The following CFAP65 variants were observed in gnomAD, a reference collection of about 807,000 sequenced individuals.
CFAP65 encodes the protein cilia and flagella associated protein 65.
In CFAP65, 155 loss-of-function variants were observed where a neutral mutation model predicts 208.0. The observed-to-expected ratio is 0.75, with a 90% CI of 0.65 to 0.85. The LOEUF (loss-of-function observed/expected upper bound fraction) is 0.85. CFAP65 is among the 40% of genes least tolerant of loss of function. The probability of loss-of-function intolerance (pLI) is 0.00; values close to 1 mark genes in which losing one functional copy is unlikely to be tolerated. For missense variants in CFAP65, 2,294 were observed against 2,451.3 expected, an observed-to-expected ratio of 0.94 and a Z score of 1.36; for synonymous variants, 970 against 986.3, an observed-to-expected ratio of 0.98 and a Z score of 0.31.
At chr2:219,020,418 C>T (rs983203346) in intron 19 of CFAP65, among the ~76,000 whole-genome samples, 3 of 152,046 alleles carry the variant, frequency 2.0e-5, no homozygotes, top group Admixed American at 6.5e-5. Flanking sequence ...CACTGTGTTG[C>T]CAGGCTGGAG....
chr2:219,021,911 G>T lies in CFAP65; in HGVS notation c.2999C>A (p.Ala1000Asp). Reference sequence around the variant, plus strand: ...GCTGTTCACCAGCACATTCCCAAAGGCCAGCTCCTTTTCCTTTGCCTGGAG... The same window carrying T: ...GCTGTTCACCAGCACATTCCCAAAGTCCAGCTCCTTTTCCTTTGCCTGGAG... ...SSLSAKEKEL[A>D]FGNVLVNSKQ... Residue 1000 changes from alanine to aspartate, a missense_variant, in exon 18 of 35, where the codon GCC becomes GAC. Physicochemically the swap from Ala to Asp is moderately radical, Grantham distance 126. Coordinates refer to ENST00000341552, the MANE Select transcript of CFAP65 (RefSeq NM_194302.4). 1 of 1,613,622 alleles carries T rather than the reference G, an allele frequency of 6.2e-7. No homozygotes were observed.
At chr2:219,036,526 C>A (rs1397471938) in intron 4 of CFAP65, among the ~76,000 whole-genome samples, 1 of 152,060 alleles carries the variant, frequency 6.6e-6, no homozygotes, top group African/African-American at 2.4e-5. Context: ...CTCACTGCAA[C>A]CTCTGCCTCC....
intron 21 of CFAP65, among the ~76,000 whole-genome samples, chr2:219,017,924 C>T (rs902731229): frequency 2.0e-5 from 3 of 152,192 alleles, no homozygotes; most frequent in African/African-American, 7.2e-5. Context: ...GCTAGAAGCC[C>T]TCAGTTACTC....
At position 219,024,097 on chromosome 2, in the gene CFAP65, A is replaced by T. The variant is rs1289459780; in HGVS notation, c.2513T>A (p.Leu838His). 6.8e-6 allele frequency: 11 copies of T among 1,614,046 alleles called. No individual in the cohort carries two copies. Among genetic ancestry groups the T allele is most frequent in the Non-Finnish European group, 9.3e-6 (11 of 1,180,016 alleles). ...LVAPGAHQII[L>H]ICTYPEGSSW... Reference sequence around the variant, plus strand: ...GCTGCCCTCAGGGTAGGTGCAGATGAGGATGATCTGGTGGGCCCCGGGTGC... The same window carrying T: ...GCTGCCCTCAGGGTAGGTGCAGATGTGGATGATCTGGTGGGCCCCGGGTGC... Residue 838 changes from leucine (L) to histidine (H), a missense_variant, in exon 15 of 35, where the codon CTC becomes CAC. Around this residue, in one of 2 missense-constraint regions of CFAP65, gnomAD observed 1,427 missense variants for 1,438.7 expected, o/e 0.99. Coordinates refer to ENST00000341552, the MANE Select transcript of CFAP65 (RefSeq NM_194302.4).
chr2:219,038,434 T>G lies in CFAP65; in HGVS notation c.298A>C (p.Ile100Leu), dbSNP rs1396505469. The change falls in exon 4 of 35, where the codon ATC (isoleucine) becomes CTC (leucine). Residue 100 changes from isoleucine (I) to leucine (L), a missense_variant. Ile to Leu is a conservative substitution (Grantham distance 5). This residue lies in a region of CFAP65 where 867 missense variants were observed against 1,012.6 expected (regional missense o/e 0.86). Coordinates refer to ENST00000341552, the MANE Select transcript of CFAP65 (RefSeq NM_194302.4). The stretch of plus-strand genomic sequence containing the variant: ...GCACTGCTGTCGTTGATGGCAGGGA[T>G]GGCCACTGTGCTGGCACTCAGGCAG... ...GSCLSASTVAIPAINDSSAAM... is the reference protein window; with the variant it reads ...GSCLSASTVALPAINDSSAAM... 1.1e-5 allele frequency: 17 copies of G among 1,613,954 alleles called. No homozygotes were observed. In the African/African-American group the frequency reaches 1.5e-4, roughly 14 times the overall value.
rs1449299417 is a variant in CFAP65, at chr2:219,028,322, G to T, written c.1730C>A (p.Thr577Asn). The T allele has an allele frequency of 6.2e-7, 1 of 1,614,134 alleles. No homozygotes were observed. The highest frequency in any genetic ancestry group is 1.1e-5 in the South Asian group (1 of 91,078). Reference sequence around the variant, plus strand: ...CCGGGCCAGGTGTGTGCGGTACCAGGTGAGGTGCTGAGGCTTCAGGATGGC... The same window carrying T: ...CCGGGCCAGGTGTGTGCGGTACCAGTTGAGGTGCTGAGGCTTCAGGATGGC... ...KPAILKPQHL[T>N]WYRTHLARGL... Residue 577 changes from threonine (T) to asparagine (N), a missense_variant, in exon 12 of 35, where the codon ACC becomes AAC. Thr to Asn is a moderately conservative substitution (Grantham distance 65). This residue lies in a region of CFAP65 where 867 missense variants were observed against 1,012.6 expected (regional missense o/e 0.86). Coordinates refer to ENST00000341552, the MANE Select transcript of CFAP65 (RefSeq NM_194302.4).
Position 219,006,166 on chromosome 2 carries a change from G to A in CFAP65, c.4777C>T (p.Gln1593Ter). 6.2e-7 allele frequency: 1 copy of A among 1,612,426 alleles called. No homozygotes were observed. The highest frequency in any genetic ancestry group is 8.5e-7 in the Non-Finnish European group (1 of 1,178,926). Reference protein sequence around the residue: ...SVSRPASWKLQTPKEEVSWPC... With the variant: ...SVSRPASWKL Reference sequence around the variant, plus strand: ...CAGGACACCTCCTCCTTTGGGGTCTGCAGTTTCCAGCTGGCAGGCCGGCTG... The same window carrying A: ...CAGGACACCTCCTCCTTTGGGGTCTACAGTTTCCAGCTGGCAGGCCGGCTG... The change falls in exon 31 of 35, where the codon CAG becomes TAG. Residue 1593 changes from glutamine (Q) to a stop codon, truncating the protein, a stop_gained. Coordinates refer to ENST00000341552, the MANE Select transcript of CFAP65 (RefSeq NM_194302.4). LOFTEE classifies it high-confidence loss of function.
chr2:219,021,373 G>T, intron 18 of CFAP65, 93 bp from the exon 19 acceptor site: 1 of 1,361,472 alleles, frequency 7.3e-7, no homozygotes, highest in Non-Finnish European at 9.7e-7. Context: ...GGCACCAGGG[G>T]AGGACAGCAG....
At chr2:219,028,490 C>A in intron 11 of CFAP65, 89 bp from the exon 12 acceptor site, 1 of 1,175,852 alleles carries the variant, frequency 8.5e-7, no homozygotes. Context: ...AGAAGCTGGG[C>A]AGACAGGATA....
rs925099907 is a variant in CFAP65 at position 219,009,340 on chromosome 2, T to C, written c.4566+7A>G. 9 of 1,606,604 alleles carry C rather than the reference T, an allele frequency of 5.6e-6. No homozygotes were observed. Among genetic ancestry groups the C allele is most frequent in the African/African-American group, 1.3e-5 (1 of 74,804 alleles). Reference sequence around the variant, plus strand: ...CATCCCACTTTACCCCTGGGGCTGGTTCCTACCTTGCATACCAGGTCTGCA... The same window carrying C: ...CATCCCACTTTACCCCTGGGGCTGGCTCCTACCTTGCATACCAGGTCTGCA... On this transcript the variant is annotated splice_region_variant and intron_variant, in intron 28 of 34. Transcript: ENST00000341552.
Position 219,019,161 on chromosome 2 carries a change from G to A in CFAP65, c.3492C>T (p.Pro1164=), listed in dbSNP as rs568903495. Residue 1164 remains proline, a synonymous_variant, in exon 21 of 35, where the codon CCC becomes CCT. Transcript: ENST00000341552. ...PTRHSMSQIP[P]VLTPLRLDFN... ...AGTCAAGCCTTAAAGGGGTGAGGACGGGGGGGATCTGGCTCATGCTGTGAG... is the reference window on the plus strand; with the variant it reads ...AGTCAAGCCTTAAAGGGGTGAGGACAGGGGGGATCTGGCTCATGCTGTGAG... The A allele has an allele frequency of 1.9e-5, 30 of 1,612,444 alleles. No individual in the cohort carries two copies. Among genetic ancestry groups the A allele is most frequent in the African/African-American group, 1.3e-4 (10 of 75,002 alleles).
Position 219,030,129 on chromosome 2 carries a change from C to A in CFAP65, c.1241G>T (p.Gly414Val), listed in dbSNP as rs773638553. 6.2e-7 allele frequency: 1 copy of A among 1,614,050 alleles called. No homozygotes were observed. Among genetic ancestry groups the A allele is most frequent in the Non-Finnish European group, 8.5e-7 (1 of 1,180,020 alleles). ...TTTCTTCTCTCCCGGAAGCACGATGCCATGGGCCGTGGGGCATGAGAAGGC... is the reference window on the plus strand; with the variant it reads ...TTTCTTCTCTCCCGGAAGCACGATGACATGGGCCGTGGGGCATGAGAAGGC... ...DQAFSCPTAH[G>V]IVLPGEKKCV... Residue 414 changes from glycine (G) to valine (V), a missense_variant, in exon 10 of 35, where the codon GGC becomes GTC. By Grantham distance (109) the Gly-to-Val change is moderately radical. This residue lies in a region of CFAP65 where 867 missense variants were observed against 1,012.6 expected (regional missense o/e 0.86). Coordinates refer to ENST00000341552, the MANE Select transcript of CFAP65 (RefSeq NM_194302.4).
chr2:219,019,773 A>AG, intron 19 of CFAP65, 54 bp from the exon 20 acceptor site: 1 of 1,500,384 alleles, frequency 6.7e-7, no homozygotes. Flanking sequence ...CCTTCCCTGG[A>AG]GGGGGCATGC....
chr2:219,011,426 T>G (rs1946476894), intron 24 of CFAP65, among the ~76,000 whole-genome samples: 1 of 152,056 alleles, frequency 6.6e-6, no homozygotes, highest in Admixed American at 6.6e-5. Context: ...AGGCATGCAC[T>G]ACCACACACA....
intron 13 of CFAP65, chr2:219,027,191 G>A (rs1354387618): frequency 4.0e-6 from 5 of 1,251,146 alleles, no homozygotes; most frequent in Non-Finnish European, 5.0e-6. Flanking sequence ...GGCACTCGGA[G>A]TTCCCGACCC....
At position 219,010,638 on chromosome 2, in the gene CFAP65, T is replaced by C. The variant is rs2106100665; in HGVS notation, c.4216A>G (p.Asn1406Asp). The C allele has an allele frequency of 6.2e-7, 1 of 1,611,626 alleles. No homozygotes were observed. ...ALIHFQGVGY[N>D]PHMMGDTAPF... ...GCTGTGTCCCCCATCATATGGGGGT[T>C]GTAGCCCACTCCCTGGAAGTGGATG... Residue 1406 changes from asparagine to aspartate, a missense_variant, in exon 26 of 35, where the codon AAC becomes GAC. Physicochemically the swap from Asn to Asp is conservative, Grantham distance 23. This residue lies in a region of CFAP65 where 1,427 missense variants were observed against 1,438.7 expected (regional missense o/e 0.99). Transcript: ENST00000341552.
intron 19 of CFAP65, among the ~76,000 whole-genome samples, 176 bp from the exon 20 acceptor site, chr2:219,019,895 C>T (rs968797866): frequency 6.6e-6 from 1 of 152,222 alleles, no homozygotes; most frequent in Non-Finnish European, 1.5e-5. Context: ...TTGTCTGACA[C>T]TTTCTGTGTA....
At chr2:219,011,971 G>A (rs967245692) in intron 24 of CFAP65, among the ~76,000 whole-genome samples, 1 of 152,346 alleles carries the variant, frequency 6.6e-6, no homozygotes, top group South Asian at 2.1e-4. Flanking sequence ...GCCCTCACAA[G>A]TGGGATTAGT....
rs777714701 is a variant in CFAP65 at position 219,005,312 on chromosome 2, C to T, written c.5051+122G>A. ...AAGTGTTGGAATTACAGGCAAGAAC[C>T]TCCATGCCCCACCAAGTTCTATTTC... On this transcript the variant is annotated intron_variant, in intron 32 of 34. Transcript: ENST00000341552. The T allele has an allele frequency of 2.2e-4, 299 of 1,354,284 alleles. 1 individual carries two copies. Among genetic ancestry groups the T allele is most frequent in the Non-Finnish European group, 3.1e-4 (296 of 960,612 alleles). 83.9% of individuals were successfully genotyped at this position (1,354,284 alleles called of 1,614,324 possible). A position where few individuals can be genotyped will look rare whatever the true frequency, so the allele number is the denominator to read the frequency against.
Sources: allele counts gnomAD v4.1 joint callset (sites outside exome capture counted in the v4.1 genomes callset), GRCh38; gene constraint gnomAD v4.1.1; regional missense constraint gnomAD v4.1.1; transcripts MANE v1.5; gene names NCBI Gene and HGNC (gene_info 2026-07-23, HGNC 2026-07-21).